The following GRIK1 variants were observed in gnomAD, a reference collection of about 807,000 sequenced individuals.
GRIK1 encodes glutamate ionotropic receptor kainate type subunit 1, also known as glutamate receptor ionotropic, kainate 1.
Under a neutral mutation model 105.7 loss-of-function variants are expected in GRIK1, and 69 were observed. That is an observed-to-expected ratio of 0.65 (90% CI 0.54 to 0.80). GRIK1 has a LOEUF of 0.80. Ranked by LOEUF, GRIK1 falls within the 30% of genes least tolerant of loss-of-function variation. GRIK1 has a pLI of 0.00. For missense variants in GRIK1, 1,109 were observed against 1,167.3 expected (o/e 0.95, Z 0.73); for synonymous variants, 438 against 431.3 (o/e 1.02, Z -0.19).
intron 1 of GRIK1, among the ~76,000 whole-genome samples, chr21:29,841,257 G>A (rs1447804310): frequency 6.6e-6 from 1 of 152,120 alleles, no homozygotes; most frequent in African/African-American, 2.4e-5. Context: ...GCAAAAATAA[G>A]CCAAGTTAAG....
intron 7 of GRIK1, among the ~76,000 whole-genome samples, chr21:29,623,912 G>A (rs1260995726): frequency 1.3e-5 from 2 of 152,092 alleles, no homozygotes; most frequent in South Asian, 4.1e-4. Context: ...CTTTATTTTT[G>A]AAATGTTTTG....
At chr21:29,582,172 A>C in intron 12 of GRIK1, 2 of 304,466 alleles carry the variant, frequency 6.6e-6, no homozygotes, top group South Asian at 5.9e-5. Context: ...TCATGATCCT[A>C]AAGGAAGAGA....
At chr21:29,630,781 G>A in intron 7 of GRIK1, 1 of 346,758 alleles carries the variant, frequency 2.9e-6, no homozygotes, top group South Asian at 2.3e-5. Flanking sequence ...TTTTTGTTTT[G>A]TTTTGTTTTG....
At chr21:29,854,443 T>A (rs1044675467) in intron 1 of GRIK1, among the ~76,000 whole-genome samples, 47 of 152,104 alleles carry the variant, frequency 3.1e-4, no homozygotes, top group African/African-American at 1.1e-3. Flanking sequence ...TTCAAACACT[T>A]GGCAGATGAG....
chr21:29,763,051 G>A (rs561016701), intron 1 of GRIK1, among the ~76,000 whole-genome samples: 24 of 152,270 alleles, frequency 1.6e-4, no homozygotes, highest in African/African-American at 5.8e-4. Flanking sequence ...TGTCTGCTAA[G>A]GGGACTGATA....
chr21:29,699,809 C>T (rs1002167709), intron 1 of GRIK1, among the ~76,000 whole-genome samples: 3 of 152,010 alleles, frequency 2.0e-5, no homozygotes, highest in Non-Finnish European at 4.4e-5. Context: ...CCACCACACC[C>T]AGCTAATTTT....
intron 4 of GRIK1, among the ~76,000 whole-genome samples, chr21:29,670,484 T>G (rs544509454): frequency 6.6e-6 from 1 of 152,218 alleles, no homozygotes; most frequent in African/African-American, 2.4e-5. Flanking sequence ...GAACTTCAAG[T>G]CCAAATTTAG....
chr21:29,846,001 C>G (rs1601837863), intron 1 of GRIK1, among the ~76,000 whole-genome samples: 2 of 152,140 alleles, frequency 1.3e-5, no homozygotes, highest in Non-Finnish European at 2.9e-5. Context: ...TGGTTGTATG[C>G]TGTATGGTCA....
chr21:29,818,523 A>G (rs561785975), intron 1 of GRIK1, among the ~76,000 whole-genome samples: 18 of 152,194 alleles, frequency 1.2e-4, no homozygotes, highest in Non-Finnish European at 2.4e-4. Context: ...ATAATTCAGA[A>G]TTAGAAACCC....
chr21:29,594,652 A>G (rs1304015159), intron 9 of GRIK1, among the ~76,000 whole-genome samples: 1 of 152,220 alleles, frequency 6.6e-6, no homozygotes, highest in Non-Finnish European at 1.5e-5. Context: ...AATGACATTA[A>G]GCAAACTTTT....
At chr21:29,884,084 G>A (rs1000141885) in intron 1 of GRIK1, among the ~76,000 whole-genome samples, 21 of 152,080 alleles carry the variant, frequency 1.4e-4, no homozygotes, top group Non-Finnish European at 2.4e-4. Context: ...GAAACACATT[G>A]TCTACTGTTA....
chr21:29,620,260 T>C, intron 7 of GRIK1, among the ~76,000 whole-genome samples: 1 of 152,154 alleles, frequency 6.6e-6, no homozygotes, highest in South Asian at 2.1e-4. Flanking sequence ...TTTTCAAATG[T>C]TGGATATTAA....
chr21:29,776,879 T>C (rs2065959208), intron 1 of GRIK1, among the ~76,000 whole-genome samples: 1 of 152,208 alleles, frequency 6.6e-6, no homozygotes, highest in Admixed American at 6.5e-5. Context: ...GAATTATTGT[T>C]CTGGGACTGT....
chr21:29,801,588 G>T lies in GRIK1; in HGVS notation c.119-107525C>A, dbSNP rs114588498. ...TATTTTACGGAAATTAGTAAAAAAA[G>T]ATTCAGCATGTTTTACAAGAAGACA... On this transcript the variant is annotated intron_variant, in intron 1 of 17. Coordinates refer to ENST00000327783, the MANE Select transcript of GRIK1 (RefSeq NM_001330994.2). 6.3e-3 allele frequency among the ~76,000 whole-genome samples: 957 copies of T among 152,190 alleles called. 14 individuals are homozygous for T. Among genetic ancestry groups the T allele is most frequent in the African/African-American group, 0.022 (912 of 41,532 alleles).
intron 6 of GRIK1, among the ~76,000 whole-genome samples, chr21:29,644,690 C>T (rs532534896): frequency 6.6e-5 from 10 of 152,238 alleles, no homozygotes; most frequent in African/African-American, 2.4e-4. Context: ...AATTTCATTG[C>T]CAGGGTTTGA....
chr21:29,890,951 T>C (rs1335142383), intron 1 of GRIK1, among the ~76,000 whole-genome samples: 2 of 152,170 alleles, frequency 1.3e-5, no homozygotes, highest in Non-Finnish European at 2.9e-5. Context: ...CCATCACCTA[T>C]AAATTATCTG....
At chr21:29,804,863 C>A (rs1161670596) in intron 1 of GRIK1, among the ~76,000 whole-genome samples, 1 of 152,146 alleles carries the variant, frequency 6.6e-6, no homozygotes, top group South Asian at 2.1e-4. Flanking sequence ...AGACCAGGCA[C>A]TATCCTAAAC....
At chr21:29,626,550 C>T (rs1321575512) in intron 7 of GRIK1, among the ~76,000 whole-genome samples, 1 of 152,198 alleles carries the variant, frequency 6.6e-6, no homozygotes, top group African/African-American at 2.4e-5. Flanking sequence ...AAAAACCAAA[C>T]TTGGTGACAC....
chr21:29,626,432 G>A (rs1174050059), intron 7 of GRIK1, among the ~76,000 whole-genome samples: 1 of 152,074 alleles, frequency 6.6e-6, no homozygotes, highest in Non-Finnish European at 1.5e-5. Flanking sequence ...CAGGGTGAAC[G>A]GTGTCTTTAT....
Sources: allele counts gnomAD v4.1 joint callset (sites outside exome capture counted in the v4.1 genomes callset), GRCh38; gene constraint gnomAD v4.1.1; transcripts MANE v1.5; gene names NCBI Gene and HGNC (gene_info 2026-07-23, HGNC 2026-07-21).